The following TMEM87B variants were observed in gnomAD, a reference collection of about 807,000 sequenced individuals.
TMEM87B encodes the protein transmembrane protein 87B.
In TMEM87B, 83 loss-of-function variants were observed where a neutral mutation model predicts 80.3. That is an observed-to-expected ratio of 1.03 (90% CI 0.87 to 1.24). The LOEUF is 1.24. TMEM87B is among the 50% of genes most tolerant of loss of function. The pLI, the probability that TMEM87B is intolerant of heterozygous loss-of-function variation, is 0.00. For missense variants in TMEM87B, 625 were observed against 674.4 expected (o/e 0.93, Z 0.81); for synonymous variants, 219 against 230.5 (o/e 0.95, Z 0.45).
Position 112,075,005 on chromosome 2 carries a change from A to T in TMEM87B, c.501+43A>T, listed in dbSNP as rs560343611. On this transcript the variant is annotated intron_variant, in intron 5 of 18. Transcript: ENST00000283206. ...TCTTTAAATCAAATATACACAAGTT[A>T]ACGTAAGACTGAAAAAAGTCGCTGA... 378 of 1,564,288 alleles carry T rather than the reference A, an allele frequency of 2.4e-4. 7 individuals are homozygous for T. In the South Asian group the frequency reaches 4.0e-3, roughly 17 times the overall value.
intron 1 of TMEM87B, among the ~76,000 whole-genome samples, chr2:112,056,021 C>A (rs1480819891): frequency 2.6e-5 from 4 of 152,198 alleles, no homozygotes; most frequent in Non-Finnish European, 4.4e-5. Context: ...TACTGAGGGT[C>A]ACCATGCCCG....
At chr2:112,088,198 T>C (rs1013831108) in intron 9 of TMEM87B, among the ~76,000 whole-genome samples, 3 of 152,208 alleles carry the variant, frequency 2.0e-5, no homozygotes, top group African/African-American at 7.2e-5. Context: ...GCCTTTTGTG[T>C]TCTTAGTACA....
In TMEM87B at chr2:112,074,901, C is replaced by G; in HGVS notation, c.451-11C>G. 3 of 1,563,878 alleles carry G rather than the reference C, an allele frequency of 1.9e-6. No individual in the cohort carries two copies. The highest frequency in any genetic ancestry group is 2.6e-6 in the Non-Finnish European group (3 of 1,152,610). The stretch of plus-strand genomic sequence containing the variant: ...GCAGTATAAAATGGCATTATTTACT[C>G]TTTTTTCCAGAATAAAGAACTAATA... On this transcript the variant is annotated splice_polypyrimidine_tract_variant and intron_variant, in intron 4 of 18. Transcript: ENST00000283206.
chr2:112,116,408 T>C lies in TMEM87B; in HGVS notation c.*265T>C, dbSNP rs1680026893. On this transcript the variant is annotated 3_prime_UTR_variant, in exon 19 of 19. Coordinates refer to ENST00000283206, the MANE Select transcript of TMEM87B (RefSeq NM_032824.3). ...AAGATCTGCACAGATGCCTCTTAGCTGATAGGTGGCAGGCCTGTGGGTTTG... is the reference window on the plus strand; with the variant it reads ...AAGATCTGCACAGATGCCTCTTAGCCGATAGGTGGCAGGCCTGTGGGTTTG... 1.4e-5 allele frequency: 4 copies of C among 289,780 alleles called. No individual in the cohort carries two copies. In the East Asian group the frequency reaches 2.3e-4, roughly 17 times the overall value. The allele number at this position is 289,780 out of a possible 1,614,324, so 18.0% of individuals were successfully genotyped here.
intron 5 of TMEM87B, among the ~76,000 whole-genome samples, chr2:112,075,776 C>T (rs190274568): frequency 1.2e-4 from 19 of 152,244 alleles, no homozygotes; most frequent in African/African-American, 4.6e-4. Context: ...TTCAACCATC[C>T]TAAAGAAGTC....
chr2:112,081,817 G>C (rs185180750), intron 8 of TMEM87B, among the ~76,000 whole-genome samples: 8 of 152,290 alleles, frequency 5.3e-5, no homozygotes, highest in Non-Finnish European at 5.9e-5. Flanking sequence ...GTTCGGGACA[G>C]GGAGACTTCA....
chr2:112,099,732 C>T (rs1470448666), intron 14 of TMEM87B, among the ~76,000 whole-genome samples: 8 of 150,604 alleles, frequency 5.3e-5, no homozygotes, highest in Non-Finnish European at 1.5e-5. Flanking sequence ...CAAAAATTAG[C>T]CAGGTGCGGT....
At chr2:112,071,507 A>T (rs1420093112) in intron 4 of TMEM87B, among the ~76,000 whole-genome samples, 1 of 151,816 alleles carries the variant, frequency 6.6e-6, no homozygotes, top group South Asian at 2.1e-4. Context: ...GGGTTTCACC[A>T]TGTTGGCCAG....
At chr2:112,103,719 A>G (rs1387647185) in intron 15 of TMEM87B, among the ~76,000 whole-genome samples, 1 of 152,204 alleles carries the variant, frequency 6.6e-6, no homozygotes, top group African/African-American at 2.4e-5. Context: ...AAAATTTTCC[A>G]AAATTGGAGA....
At chr2:112,060,476 T>C (rs1398989555) in intron 2 of TMEM87B, among the ~76,000 whole-genome samples, 1 of 152,176 alleles carries the variant, frequency 6.6e-6, no homozygotes, top group East Asian at 1.9e-4. Context: ...TTTAAGTAGT[T>C]CTAACATTTT....
chr2:112,069,215 A>C (rs924279565), intron 4 of TMEM87B, among the ~76,000 whole-genome samples: 11 of 151,774 alleles, frequency 7.2e-5, no homozygotes, highest in East Asian at 1.9e-4. Context: ...AAAAAAAAAA[A>C]AAAAAACTCA....
intron 11 of TMEM87B, chr2:112,095,127 C>T (rs1420093605): frequency 2.3e-6 from 2 of 881,682 alleles, no homozygotes; most frequent in African/African-American, 4.8e-5. Context: ...TTTTTTTCTT[C>T]TTGTTTCTCT....
At chr2:112,060,106 G>A in intron 2 of TMEM87B, 69 bp downstream of exon 2, 1 of 1,381,670 alleles carries the variant, frequency 7.2e-7, no homozygotes, top group Non-Finnish European at 9.5e-7. Context: ...CCGGCACTTT[G>A]GGAGGCCGAG....
At chr2:112,065,308 A>T (rs886130843) in intron 3 of TMEM87B, among the ~76,000 whole-genome samples, 1 of 152,226 alleles carries the variant, frequency 6.6e-6, no homozygotes, top group African/African-American at 2.4e-5. Context: ...TAATTATAGA[A>T]TTCAAATTTA....
At position 112,118,910 on chromosome 2, in the gene TMEM87B, G is replaced by A. The variant is rs955645326; in HGVS notation, c.*2767G>A. 2.6e-5 allele frequency: 4 copies of A among 152,052 alleles called. No homozygotes were observed. Among genetic ancestry groups the A allele is most frequent in the Admixed American group, 2.6e-4 (4 of 15,260 alleles). 9.4% of individuals were successfully genotyped at this position (152,052 alleles called of 1,614,324 possible). A position where few individuals can be genotyped will look rare whatever the true frequency, so the allele number is the denominator to read the frequency against. ...TTTATAATCACTAGTTCTGGTACTT[G>A]TGTCTTTGTATGATCAAAGCATGCA... On this transcript the variant is annotated 3_prime_UTR_variant, in exon 19 of 19. Transcript: ENST00000283206.
Position 112,077,272 on chromosome 2 carries a change from G to A in TMEM87B, c.582G>A (p.Trp194Ter). ...SIKTENTDASWNLNVSLSMIG... is the reference protein window; with the variant it reads ...SIKTENTDAS ...AAACGGAGAATACAGATGCAAGCTGGAATTTGAATGGTATAGTTAAACTGC... is the reference window on the plus strand; with the variant it reads ...AAACGGAGAATACAGATGCAAGCTGAAATTTGAATGGTATAGTTAAACTGC... Residue 194 changes from tryptophan to a stop codon, truncating the protein, a stop_gained, in exon 6 of 19, where the codon TGG becomes TGA. Transcript: ENST00000283206. LOFTEE classifies it high-confidence loss of function. 1 of 1,568,386 alleles carries A rather than the reference G, an allele frequency of 6.4e-7. No homozygotes were observed. The highest frequency in any genetic ancestry group is 8.7e-7 in the Non-Finnish European group (1 of 1,150,814).
chr2:112,081,508 T>G lies in TMEM87B; in HGVS notation c.828T>G (p.Thr276=). The change falls in exon 8 of 19, where the codon ACT becomes ACG. Residue 276 remains threonine, a synonymous_variant. Coordinates refer to ENST00000283206, the MANE Select transcript of TMEM87B (RefSeq NM_032824.3). ...FYSEYQNISN[T]GLSTQGLLIF... is the part of the protein sequence containing the mutation. ...GTGAATACCAAAACATCAGCAACAC[T>G]GGACTGTCAAGTAAGTTTTGACTGT... 8.7e-6 allele frequency: 14 copies of G among 1,606,090 alleles called. No homozygotes were observed. The highest frequency in any genetic ancestry group is 5.9e-6 in the Non-Finnish European group (7 of 1,177,704).
At chr2:112,098,850 G>A in intron 14 of TMEM87B, 152 bp downstream of exon 14, 6 of 693,572 alleles carry the variant, frequency 8.7e-6, no homozygotes, top group Admixed American at 8.4e-5. Flanking sequence ...GCAAGACAGT[G>A]AAAAAAGAGA....
chr2:112,072,510 G>A (rs1175060755), intron 4 of TMEM87B, among the ~76,000 whole-genome samples: 1 of 152,126 alleles, frequency 6.6e-6, no homozygotes, highest in African/African-American at 2.4e-5. Flanking sequence ...GGGTGTATGT[G>A]TCCAGTAATT....
Sources: allele counts gnomAD v4.1 joint callset (sites outside exome capture counted in the v4.1 genomes callset), GRCh38; gene constraint gnomAD v4.1.1; transcripts MANE v1.5; gene names NCBI Gene and HGNC (gene_info 2026-07-23, HGNC 2026-07-21).